Variants in PCLO observed in about 807,000 individuals in gnomAD.
The protein encoded by PCLO is protein piccolo.
Under a neutral mutation model 427.5 loss-of-function variants are expected in PCLO, and 82 were observed. That is an observed-to-expected ratio of 0.19 (90% CI 0.16 to 0.23). The LOEUF is 0.23. Among genes scored for constraint, PCLO ranks in the 10% least tolerant of loss-of-function variants. The pLI is 1.00. For synonymous variants in PCLO, 2,357 were observed against 2,155.4 expected (o/e 1.09, Z -2.59); for missense variants, 6,239 against 6,115.9 (o/e 1.02, Z -0.67).
intron 22 of PCLO, among the ~76,000 whole-genome samples, chr7:82,790,007 G>A (rs1006280685): frequency 3.3e-5 from 5 of 152,070 alleles, no homozygotes; most frequent in African/African-American, 9.6e-5. Flanking sequence ...GCTGGTGCCC[G>A]AAGCTGTTTT....
At position 82,955,855 on chromosome 7, in the gene PCLO, C is replaced by T. The variant is rs577491714; in HGVS notation, c.5098G>A (p.Glu1700Lys). 35 of 1,613,888 alleles carry T rather than the reference C, an allele frequency of 2.2e-5. No individual in the cohort carries two copies. Among genetic ancestry groups the T allele is most frequent in the Admixed American group, 5.0e-5 (3 of 60,014 alleles). The change falls in exon 5 of 25, where the codon GAA (glutamate) becomes AAA (lysine). Residue 1700 changes from glutamate (E) to lysine (K), a missense_variant. Glu to Lys is a moderately conservative substitution (Grantham distance 56, BLOSUM62 1). Coordinates refer to ENST00000333891, the MANE Select transcript of PCLO (RefSeq NM_033026.6). ...GGTGAGTCTGTCAGGCTTTCCATTT[C>T]CAATTCTGGCTCTTCGTCAAAATAC... ...SLYFDEEPELEMESLTDSPED... is the reference protein window; with the variant it reads ...SLYFDEEPELKMESLTDSPED...
chr7:83,131,881 C>T (rs1175899416), intron 3 of PCLO, among the ~76,000 whole-genome samples: 5 of 152,062 alleles, frequency 3.3e-5, no homozygotes, highest in East Asian at 1.9e-4. Context: ...CCATGAATTA[C>T]ACCTGTTAAT....
At chr7:83,068,589 T>G (rs538858294) in intron 3 of PCLO, among the ~76,000 whole-genome samples, 1 of 152,168 alleles carries the variant, frequency 6.6e-6, no homozygotes, top group South Asian at 2.1e-4. Context: ...AGATATCATT[T>G]CATACCTGTT....
rs117835338 is a variant in PCLO, at chr7:83,078,059, T to C, written c.3300+56191A>G. ...CAGCACTCAGAGTACAGGAAAATATTCTGCCCTGCCTTCTGTGCTCTTGAG... is the reference window on the plus strand; with the variant it reads ...CAGCACTCAGAGTACAGGAAAATATCCTGCCCTGCCTTCTGTGCTCTTGAG... On this transcript the variant is annotated intron_variant, in intron 3 of 24. Transcript: ENST00000333891. 6.3e-3 allele frequency among the ~76,000 whole-genome samples: 955 copies of C among 152,258 alleles called. 2 individuals are homozygous for C. Among genetic ancestry groups the C allele is most frequent in the Non-Finnish European group, 0.01 (708 of 68,032 alleles).
At chr7:83,120,618 A>G (rs1791253091) in intron 3 of PCLO, among the ~76,000 whole-genome samples, 1 of 152,106 alleles carries the variant, frequency 6.6e-6, no homozygotes, top group Non-Finnish European at 1.5e-5. Context: ...AATAACATAA[A>G]CATGAGCTCC....
intron 8 of PCLO, among the ~76,000 whole-genome samples, chr7:82,907,508 T>C (rs1794219693): frequency 6.6e-6 from 1 of 152,044 alleles, no homozygotes; most frequent in African/African-American, 2.4e-5. Flanking sequence ...AGAATAATTT[T>C]ATTAATTTTC....
chr7:82,783,612 A>T (rs1340518810), intron 22 of PCLO, among the ~76,000 whole-genome samples: 1 of 152,182 alleles, frequency 6.6e-6, no homozygotes, highest in African/African-American at 2.4e-5. Context: ...ATAGAGCGAG[A>T]CTCGGTCTCA....
At chr7:83,010,085 A>G (rs1313342400) in intron 3 of PCLO, among the ~76,000 whole-genome samples, 1 of 151,890 alleles carries the variant, frequency 6.6e-6, no homozygotes, top group East Asian at 1.9e-4. Flanking sequence ...TATCACATAG[A>G]ATTGTCATGA....
chr7:83,081,447 C>A (rs12667913), intron 3 of PCLO, among the ~76,000 whole-genome samples: 42,748 of 151,590 alleles, frequency 0.28, 7,102 homozygotes, highest in East Asian at 0.56. Flanking sequence ...CATGGTGCCA[C>A]ATAATCTGAA....
intron 3 of PCLO, among the ~76,000 whole-genome samples, chr7:83,127,985 T>A (rs550487129): frequency 6.6e-6 from 1 of 152,174 alleles, no homozygotes; most frequent in East Asian, 1.9e-4. Flanking sequence ...CACACAAATA[T>A]GCTATGCTAC....
chr7:83,040,142 T>C (rs1788936202), intron 3 of PCLO, among the ~76,000 whole-genome samples: 1 of 152,176 alleles, frequency 6.6e-6, no homozygotes, highest in Non-Finnish European at 1.5e-5. Context: ...GCATAATTTT[T>C]TGTTAGAATT....
At chr7:82,858,035 A>G (rs904795228) in intron 10 of PCLO, among the ~76,000 whole-genome samples, 4 of 152,190 alleles carry the variant, frequency 2.6e-5, no homozygotes, top group African/African-American at 9.6e-5. Flanking sequence ...ATTACAGACC[A>G]TTATCCCTGA....
At chr7:83,107,801 C>T (rs530645997) in intron 3 of PCLO, among the ~76,000 whole-genome samples, 195 of 150,806 alleles carry the variant, frequency 1.3e-3, no homozygotes, top group East Asian at 1.8e-3. Context: ...CCATCCTGGC[C>T]AACATGGTGA....
At chr7:82,784,489 G>T (rs1790941492) in intron 22 of PCLO, among the ~76,000 whole-genome samples, 1 of 151,820 alleles carries the variant, frequency 6.6e-6, no homozygotes. Flanking sequence ...GAATTGAATT[G>T]CCCGTATTCA....
chr7:83,131,897 T>C lies in PCLO; in HGVS notation c.3300+2353A>G, dbSNP rs1369988217. On this transcript the variant is annotated intron_variant, in intron 3 of 24. Coordinates refer to ENST00000333891, the MANE Select transcript of PCLO (RefSeq NM_033026.6). ...CATGAATTACACCTGTTAATAGTAT[T>C]TACAGTTTGCTGGATACATATACAT... is the stretch of plus-strand genomic sequence containing the variant. Among the ~76,000 whole-genome samples, 3 of 152,100 alleles carry C rather than the reference T, an allele frequency of 2.0e-5. No individual in the cohort carries two copies. In the East Asian group the frequency reaches 5.8e-4, roughly 29 times the overall value.
intron 6 of PCLO, among the ~76,000 whole-genome samples, chr7:82,936,114 T>C (rs1269975794): frequency 6.6e-6 from 1 of 151,470 alleles, no homozygotes; most frequent in African/African-American, 2.4e-5. Context: ...AACAGCAGAG[T>C]GCACATTCCT....
At chr7:83,094,272 AATCTCGG>A (rs1790473964) in intron 3 of PCLO, among the ~76,000 whole-genome samples, 1 of 139,872 alleles carries the variant, frequency 7.1e-6, no homozygotes, top group Non-Finnish European at 1.5e-5. Flanking sequence ...GCAATAGTGC[AATCTCGG>A]CTCACTGCAA....
chr7:82,951,460 G>A lies in PCLO; in HGVS notation c.9128C>T (p.Thr3043Ile). 1 of 1,579,854 alleles carries A rather than the reference G, an allele frequency of 6.3e-7. No individual in the cohort carries two copies. Among genetic ancestry groups the A allele is most frequent in the Non-Finnish European group, 8.6e-7 (1 of 1,161,430 alleles). Residue 3043 changes from threonine to isoleucine, a missense_variant, in exon 6 of 25, where the codon ACA becomes ATA. Coordinates refer to ENST00000333891, the MANE Select transcript of PCLO (RefSeq NM_033026.6). ...TTGTCGTGTTTCTGGATATGGACCTGTAGTCTTGCTTGAATAATCCATTAC... is the reference window on the plus strand; with the variant it reads ...TTGTCGTGTTTCTGGATATGGACCTATAGTCTTGCTTGAATAATCCATTAC... ...GEVMDYSSKT[T>I]GPYPETRQVI...
intron 9 of PCLO, among the ~76,000 whole-genome samples, chr7:82,887,110 C>T (rs1353325568): frequency 6.6e-6 from 1 of 152,010 alleles, no homozygotes; most frequent in Non-Finnish European, 1.5e-5. Flanking sequence ...GCTTTTTTTG[C>T]GTTGCCTTTC....
Sources: allele counts gnomAD v4.1 joint callset (sites outside exome capture counted in the v4.1 genomes callset), GRCh38; gene constraint gnomAD v4.1.1; transcripts MANE v1.5; gene names NCBI Gene and HGNC (gene_info 2026-07-23, HGNC 2026-07-21).